The following DCAF17 variants were observed in gnomAD, a reference collection of about 807,000 sequenced individuals.
DCAF17 encodes the protein DDB1- and CUL4-associated factor 17.
In DCAF17, 48 loss-of-function variants were observed where a neutral mutation model predicts 66.0. The observed-to-expected ratio is 0.73, with a 90% CI of 0.58 to 0.92. The LOEUF is 0.92. Among genes scored for constraint, DCAF17 ranks in the 40% least tolerant of loss-of-function variants. The probability of loss-of-function intolerance (pLI) is 0.00; values close to 1 mark genes in which losing one functional copy is unlikely to be tolerated. For synonymous variants in DCAF17, 206 were observed against 214.6 expected (o/e 0.96, Z 0.35); for missense variants, 562 against 622.8 (o/e 0.90, Z 1.04).
At chr2:171,466,954 C>A (rs1005738946) in intron 8 of DCAF17, among the ~76,000 whole-genome samples, 2 of 151,664 alleles carry the variant, frequency 1.3e-5, no homozygotes, top group African/African-American at 4.8e-5. Flanking sequence ...TGCCTTTTTC[C>A]CTTTTTCTAT....
chr2:171,440,485 G>A (rs1273924571), intron 2 of DCAF17, among the ~76,000 whole-genome samples: 3 of 152,052 alleles, frequency 2.0e-5, no homozygotes, highest in Admixed American at 2.0e-4. Flanking sequence ...TGAGGTGGGA[G>A]GATCGCTTGA....
At position 171,483,680 on chromosome 2, in the gene DCAF17, T is replaced by C. The variant is rs912093644; in HGVS notation, c.*2566T>C. 2.2e-6 allele frequency: 1 copy of C among 453,876 alleles called. No individual in the cohort carries two copies. The highest frequency in any genetic ancestry group is 4.4e-6 in the Non-Finnish European group (1 of 226,784). 28.1% of individuals were successfully genotyped at this position (453,876 alleles called of 1,614,324 possible). On this transcript the variant is annotated 3_prime_UTR_variant, in exon 14 of 14. Coordinates refer to ENST00000375255, the MANE Select transcript of DCAF17 (RefSeq NM_025000.4). ...TTAAATAATATATTTATTGAGCACT[T>C]TCTATCTACTAGTCACTGTGATACA... is the stretch of plus-strand genomic sequence containing the variant.
chr2:171,453,116 C>T lies in DCAF17; in HGVS notation c.538-8C>T. 2 of 1,593,402 alleles carry T rather than the reference C, an allele frequency of 1.3e-6. No individual in the cohort carries two copies. The highest frequency in any genetic ancestry group is 1.7e-6 in the Non-Finnish European group (2 of 1,170,370). ...AGAGCTGCGTGTAATTGTAGTCTTT[C>T]CTTCTAGGCAGGCATTCAACAACAT... On this transcript the variant is annotated splice_region_variant and splice_polypyrimidine_tract_variant and intron_variant, in intron 5 of 13. Transcript: ENST00000375255.
chr2:171,483,937 T>G lies in DCAF17; in HGVS notation c.*2823T>G, dbSNP rs556334670. ...TCAAAAGGCAAGGCATGTTATTTTATCCCAATTTAGCATACCAACAACTAT... is the reference window on the plus strand; with the variant it reads ...TCAAAAGGCAAGGCATGTTATTTTAGCCCAATTTAGCATACCAACAACTAT... On this transcript the variant is annotated 3_prime_UTR_variant, in exon 14 of 14. Coordinates refer to ENST00000375255, the MANE Select transcript of DCAF17 (RefSeq NM_025000.4). 1.3e-5 allele frequency: 6 copies of G among 453,986 alleles called. No individual in the cohort carries two copies. Among genetic ancestry groups the G allele is most frequent in the Non-Finnish European group, 2.6e-5 (6 of 226,802 alleles). 28.1% of individuals were successfully genotyped at this position (453,986 alleles called of 1,614,324 possible). A position where few individuals can be genotyped will look rare whatever the true frequency, so the allele number is the denominator to read the frequency against.
At chr2:171,435,039 G>A (rs368128908) in intron 1 of DCAF17, 44 bp from the exon 2 acceptor site, 22 of 1,432,764 alleles carry the variant, frequency 1.5e-5, no homozygotes, top group Non-Finnish European at 2.2e-5. Flanking sequence ...CTAACTTAAA[G>A]CCTAAGAGTT....
rs1368077422 is a variant in DCAF17, at chr2:171,483,899, T to G, written c.*2785T>G. The G allele has an allele frequency of 4.4e-6, 2 of 454,048 alleles. No individual in the cohort carries two copies. The highest frequency in any genetic ancestry group is 8.8e-6 in the Non-Finnish European group (2 of 226,778). The allele number at this position is 454,048 out of a possible 1,614,324, so 28.1% of individuals were successfully genotyped here. On this transcript the variant is annotated 3_prime_UTR_variant, in exon 14 of 14. Transcript: ENST00000375255. ...GTTCGGCATGAACTTGTGCCAAATT[T>G]CCTCCAAAGTTCTCAAAAGGCAAGG...
Position 171,481,305 on chromosome 2 carries a change from A to ATAC in DCAF17, c.*191_*192insTAC, listed in dbSNP as rs1233163386. 4 of 720,146 alleles carry ATAC rather than the reference A, an allele frequency of 5.6e-6. No homozygotes were observed. In the East Asian group the frequency reaches 1.2e-4, roughly 21 times the overall value. The allele number at this position is 720,146 out of a possible 1,614,324, so 44.6% of individuals were successfully genotyped here. On this transcript the variant is annotated 3_prime_UTR_variant, in exon 14 of 14. Transcript: ENST00000375255. ...ATGGTGAGGACTTCATTTTTTTTAAAGGTTTTTTAGAATACTGTTCCAAGA... is the reference window on the plus strand; with the variant it reads ...ATGGTGAGGACTTCATTTTTTTTAAATACGGTTTTTTAGAATACTGTTCCAAGA...
intron 4 of DCAF17, among the ~76,000 whole-genome samples, chr2:171,449,340 A>C (rs1171269768): frequency 6.6e-6 from 1 of 152,132 alleles, no homozygotes; most frequent in Admixed American, 6.5e-5. Flanking sequence ...ATAAGTAACT[A>C]ACCTGTAATA....
chr2:171,435,712 T>G (rs1394068650), intron 2 of DCAF17, among the ~76,000 whole-genome samples: 1 of 152,160 alleles, frequency 6.6e-6, no homozygotes, highest in Non-Finnish European at 1.5e-5. Flanking sequence ...ACTATCAAGA[T>G]TTGCCACATT....
At chr2:171,451,970 A>G (rs925807056) in intron 5 of DCAF17, among the ~76,000 whole-genome samples, 7 of 152,154 alleles carry the variant, frequency 4.6e-5, no homozygotes, top group Non-Finnish European at 8.8e-5. Flanking sequence ...CTGTTTTCCT[A>G]CAGTCTCCAG....
intron 6 of DCAF17, 77 bp from the exon 7 acceptor site, chr2:171,457,894 G>T (rs1695348207): frequency 1.7e-6 from 2 of 1,146,056 alleles, no homozygotes; most frequent in Non-Finnish European, 2.7e-6. Flanking sequence ...TTAAGCAAGA[G>T]TACAAACCAC....
At chr2:171,451,346 C>G (rs1190260373) in intron 5 of DCAF17, among the ~76,000 whole-genome samples, 1 of 152,116 alleles carries the variant, frequency 6.6e-6, no homozygotes, top group Non-Finnish European at 1.5e-5. Context: ...TCTCCTTACC[C>G]TTTTCCTGAT....
intron 3 of DCAF17, among the ~76,000 whole-genome samples, chr2:171,448,213 C>G (rs923457008): frequency 6.6e-6 from 1 of 152,070 alleles, no homozygotes; most frequent in African/African-American, 2.4e-5. Flanking sequence ...CTCACTGCAG[C>G]CTTGACCTCC....
Position 171,481,071 on chromosome 2 carries a change from G to A in DCAF17, c.1520G>A (p.Cys507Tyr). The change falls in exon 14 of 14, where the codon TGT becomes TAT. Residue 507 changes from cysteine (C) to tyrosine (Y), a missense_variant. Physicochemically the swap from Cys to Tyr is radical, Grantham distance 194. This residue lies in a region of DCAF17 where 201 missense variants were observed against 231.1 expected (regional missense o/e 0.87). Transcript: ENST00000375255. ...VFSCYVYQMI[C>Y]DTGEEEETIN... ...AGCTGCTATGTTTACCAGATGATAT[G>A]TGACACTGGGGAAGAAGAAGAAACC... The A allele has an allele frequency of 6.2e-7, 1 of 1,613,786 alleles. No homozygotes were observed. The highest frequency in any genetic ancestry group is 8.5e-7 in the Non-Finnish European group (1 of 1,179,716).
At chr2:171,451,912 T>C (rs1422710303) in intron 5 of DCAF17, among the ~76,000 whole-genome samples, 1 of 152,222 alleles carries the variant, frequency 6.6e-6, no homozygotes, top group Non-Finnish European at 1.5e-5. Context: ...ACATTTACCA[T>C]CACCTGATAA....
chr2:171,470,542 A>G (rs1001193661), intron 9 of DCAF17, among the ~76,000 whole-genome samples: 7 of 152,096 alleles, frequency 4.6e-5, no homozygotes, highest in Admixed American at 2.0e-4. Flanking sequence ...CCAAGTACTT[A>G]TCACATGGCT....
Position 171,446,566 on chromosome 2 carries a change from A to G in DCAF17, c.322-2115A>G, listed in dbSNP as rs1340729374. On this transcript the variant is annotated intron_variant, in intron 3 of 13. Transcript: ENST00000375255. ...GTCTCAAAAGAAAAAAAAAAAATCT[A>G]GGAGAGTCAACTAAGAAAAATAATG... Among the ~76,000 whole-genome samples the G allele has an allele frequency of 2.0e-5, 3 of 151,952 alleles. No homozygotes were observed. In the East Asian group the frequency reaches 5.8e-4, roughly 29 times the overall value.
rs1348361891 is a variant in DCAF17 at position 171,482,773 on chromosome 2, G to A, written c.*1659G>A. ...CTCGTCTATTCTGAAAGGCATTTGA[G>A]AAATAGCTGAATTCCTGGCTGCTTT... On this transcript the variant is annotated 3_prime_UTR_variant, in exon 14 of 14. Transcript: ENST00000375255. 4.4e-6 allele frequency: 2 copies of A among 453,756 alleles called. No individual in the cohort carries two copies. Among genetic ancestry groups the A allele is most frequent in the South Asian group, 3.1e-5 (2 of 64,398 alleles). 28.1% of individuals were successfully genotyped at this position (453,756 alleles called of 1,614,324 possible).
intron 8 of DCAF17, among the ~76,000 whole-genome samples, chr2:171,466,528 A>G (rs1352017903): frequency 2.0e-5 from 3 of 151,884 alleles, no homozygotes; most frequent in Non-Finnish European, 4.4e-5. Context: ...CCATCATAAA[A>G]TTTTCTTACC....
Sources: gnomAD v4.1 joint callset for allele counts (sites outside exome capture counted in the v4.1 genomes callset) on GRCh38, gnomAD v4.1.1 for gene constraint, gnomAD v4.1.1 regional missense constraint, MANE v1.5 for transcripts, NCBI Gene and HGNC (gene_info 2026-07-23, HGNC 2026-07-21) for gene names.